KIR2DL1: variants seen among roughly 807,000 people sequenced by gnomAD.
KIR2DL1 encodes the protein killer cell immunoglobulin like receptor, two Ig domains and long cytoplasmic tail 1.
A neutral mutation model predicts 33.9 loss-of-function variants in KIR2DL1; 38 were observed. That is an observed-to-expected ratio of 1.12 (90% CI 0.86 to 1.47). The LOEUF is 1.47. KIR2DL1 is among the 40% of genes most tolerant of loss of function. The pLI, the probability that KIR2DL1 is intolerant of heterozygous loss-of-function variation, is 0.00. For synonymous variants in KIR2DL1, 179 were observed against 165.9 expected, an observed-to-expected ratio of 1.08 and a Z score of -0.61; for missense variants, 531 against 433.9, an observed-to-expected ratio of 1.22 and a Z score of -1.99.
At chr19:54,778,019 G>C (rs1412625399) in intron 4 of KIR2DL1, among the ~76,000 whole-genome samples, 1 of 148,498 alleles carries the variant, frequency 6.7e-6, no homozygotes, top group Non-Finnish European at 1.5e-5. Flanking sequence ...TCAGCACTTT[G>C]GGAGCCCGAG....
chr19:54,783,419 A>G, intron 6 of KIR2DL1, 67 bp from the exon 7 acceptor site: 1 of 1,560,348 alleles, frequency 6.4e-7, no homozygotes, highest in Non-Finnish European at 8.8e-7. Flanking sequence ...GTATGTTGGT[A>G]TCTGCTTATG....
chr19:54,772,971 G>A lies in KIR2DL1; in HGVS notation c.71-362G>A, dbSNP rs571944381. Among the ~76,000 whole-genome samples, 19 of 147,414 alleles carry A rather than the reference G, an allele frequency of 1.3e-4. 1 individual carries two copies. The South Asian group carries it at 1.7e-3, about 13-fold the overall frequency. On this transcript the variant is annotated intron_variant, in intron 2 of 7. Coordinates refer to ENST00000336077, the MANE Select transcript of KIR2DL1 (RefSeq NM_014218.3). ...TACCTCCTGCCAAGGATTCCAATTC[G>A]TCCAAAAGAGATTGAACCAGGCTGC...
At position 54,777,283 on chromosome 19, in the gene KIR2DL1, G is replaced by A. The variant is rs527606034; in HGVS notation, c.665-1329G>A. 9.1e-4 allele frequency among the ~76,000 whole-genome samples: 135 copies of A among 148,558 alleles called. 5 individuals carry two copies. Among genetic ancestry groups the A allele is most frequent in the Middle Eastern group, 3.4e-3 (1 of 290 alleles). On this transcript the variant is annotated intron_variant, in intron 4 of 7. Transcript: ENST00000336077. The stretch of plus-strand genomic sequence containing the variant: ...TTTTTGTATTTTTAGTAGAGACAGC[G>A]TTTCTCTATGTGGGTCAGACTGGTC...
At chr19:54,782,057 A>T (rs2077024050) in intron 5 of KIR2DL1, among the ~76,000 whole-genome samples, 1 of 151,912 alleles carries the variant, frequency 6.6e-6, no homozygotes, top group Non-Finnish European at 1.5e-5. Context: ...AGAAACCTAT[A>T]TTTCAATGTG....
chr19:54,776,921 C>T (rs2076416239), intron 4 of KIR2DL1, among the ~76,000 whole-genome samples: 1 of 148,382 alleles, frequency 6.7e-6, no homozygotes, highest in South Asian at 2.1e-4. Flanking sequence ...GGATTACAGG[C>T]ATGATCCACC....
rs1296729538 is a variant in KIR2DL1, at chr19:54,782,923, T to G, written c.717T>G (p.Gly239=). ...PSPTEPSSKT[G]NPRHLHILIG... ...TATTGGTGTCTCATCTTCTTCCAGG[T>G]AACCCCCGACACCTGCACATTCTGA... The change falls in exon 6 of 8, where the codon GGT becomes GGG. Residue 239 remains glycine (G), a splice_region_variant and synonymous_variant. Coordinates refer to ENST00000336077, the MANE Select transcript of KIR2DL1 (RefSeq NM_014218.3). 1.1e-5 allele frequency: 17 copies of G among 1,613,356 alleles called. No individual in the cohort carries two copies. The highest frequency in any genetic ancestry group is 1.4e-5 in the Non-Finnish European group (17 of 1,179,660).
chr19:54,781,783 T>G (rs1244378843), intron 5 of KIR2DL1, among the ~76,000 whole-genome samples: 1 of 152,156 alleles, frequency 6.6e-6, no homozygotes. Flanking sequence ...TCGCTTTTTT[T>G]ATCTTGATTT....
In KIR2DL1 at chr19:54,773,532, GA is replaced by G; in HGVS notation, c.271del (p.Thr91ArgfsTer31). 6.3e-7 allele frequency: 1 copy of G among 1,583,968 alleles called. No homozygotes were observed. The highest frequency in any genetic ancestry group is 8.7e-7 in the Non-Finnish European group (1 of 1,155,846). Reference sequence around the variant, plus strand: ...AGGCCAACTTCTCCATCAGTCGCATGACGCAAGACCTGGCAGGGACCTACAG... The same window carrying G: ...AGGCCAACTTCTCCATCAGTCGCATGCGCAAGACCTGGCAGGGACCTACAG... Reference protein sequence around the residue: ...SKANFSISRMTQDLAGTYRCY... With the variant: ...SKANFSISRMXQDLAGTYRCY... On this transcript the variant is annotated frameshift_variant, in exon 3 of 8. Coordinates refer to ENST00000336077, the MANE Select transcript of KIR2DL1 (RefSeq NM_014218.3). LOFTEE classifies it high-confidence loss of function.
chr19:54,776,761 C>T lies in KIR2DL1; in HGVS notation c.664+1303C>T, dbSNP rs1214922447. Among the ~76,000 whole-genome samples, 20 of 146,616 alleles carry T rather than the reference C, an allele frequency of 1.4e-4. No individual in the cohort carries two copies. In the East Asian group the frequency reaches 3.3e-3, roughly 25 times the overall value. ...GTTCAAATGATTTTCCTGCCTCAGC[C>T]TCCCTAGTAGCTGGGATTACAGGTG... On this transcript the variant is annotated intron_variant, in intron 4 of 7. Transcript: ENST00000336077.
intron 5 of KIR2DL1, among the ~76,000 whole-genome samples, chr19:54,781,257 T>C (rs1477737973): frequency 1.4e-5 from 2 of 143,808 alleles, no homozygotes; most frequent in East Asian, 2.0e-4. Context: ...TCATCGTTTT[T>C]CTATTTCTCT....
Position 54,783,783 on chromosome 19 carries a change from G to A in KIR2DL1, c.1017G>A (p.Glu339=), listed in dbSNP as rs763340388. The change falls in exon 8 of 8, where the codon GAG becomes GAA. Residue 339 remains glutamate (E), a synonymous_variant. Coordinates refer to ENST00000336077, the MANE Select transcript of KIR2DL1 (RefSeq NM_014218.3). ...TGTACACGGAACTTCCAAATGCTGA[G>A]TCCAGATCCAAAGTTGTCTCCTGCC... ...IIVYTELPNA[E]SRSKVVSCP The A allele has an allele frequency of 9.3e-6, 15 of 1,613,978 alleles. 1 individual carries two copies. In the Admixed American group the frequency reaches 2.5e-4, roughly 27 times the overall value.
In KIR2DL1 at chr19:54,775,598, G is replaced by A. The variant is rs2076236361; in HGVS notation, c.664+140G>A. The stretch of plus-strand genomic sequence containing the variant: ...GTGTGAGGGAGGGATCAGGGCACAG[G>A]ATGGCCGACAGGGCACCTCCAAACC... On this transcript the variant is annotated intron_variant, in intron 4 of 7. Transcript: ENST00000336077. 3.3e-6 allele frequency: 4 copies of A among 1,224,020 alleles called. 1 individual carries two copies. Among genetic ancestry groups the A allele is most frequent in the Non-Finnish European group, 4.6e-6 (4 of 871,258 alleles). The allele number at this position is 1,224,020 out of a possible 1,614,324, so 75.8% of individuals were successfully genotyped here. A position where few individuals can be genotyped will look rare whatever the true frequency, so the allele number is the denominator to read the frequency against.
At position 54,783,557 on chromosome 19, in the gene KIR2DL1, G is replaced by A. The variant is rs372509001; in HGVS notation, c.870+19G>A. On this transcript the variant is annotated intron_variant, in intron 7 of 7. Coordinates refer to ENST00000336077, the MANE Select transcript of KIR2DL1 (RefSeq NM_014218.3). ...TAGCGAGGTAGGTACTCCTCGGCCC[G>A]GGCTCGTGGCTACTGTTATTCCCAA... 1,589 of 1,613,342 alleles carry A rather than the reference G, an allele frequency of 9.8e-4. 13 individuals are homozygous for A. The African/African-American group carries it at 0.017, about 17-fold the overall frequency.
intron 2 of KIR2DL1, among the ~76,000 whole-genome samples, chr19:54,771,841 C>A (rs1311029473): frequency 6.8e-6 from 1 of 147,938 alleles, no homozygotes; most frequent in African/African-American, 2.5e-5. Flanking sequence ...CACAACCACA[C>A]TACCCCAGTG....
chr19:54,775,085 G>A, intron 3 of KIR2DL1, 80 bp from the exon 4 acceptor site: 1 of 1,457,340 alleles, frequency 6.9e-7, no homozygotes, highest in South Asian at 1.3e-5. Flanking sequence ...CATAGAACAG[G>A]GGAGTGAGTT....
At chr19:54,776,956 T>C (rs2076422264) in intron 4 of KIR2DL1, among the ~76,000 whole-genome samples, 1 of 149,680 alleles carries the variant, frequency 6.7e-6, no homozygotes, top group Non-Finnish European at 1.5e-5. Context: ...TTTAGTTCTT[T>C]AAAGGACTTC....
chr19:54,782,823 G>C (rs1389955595), intron 5 of KIR2DL1, 99 bp from the exon 6 acceptor site: 2 of 1,308,878 alleles, frequency 1.5e-6, no homozygotes, highest in African/African-American at 2.9e-5. Flanking sequence ...GTCCTAAAGA[G>C]GTGTTTTATG....
chr19:54,778,175 A>G lies in KIR2DL1; in HGVS notation c.665-437A>G, dbSNP rs548815886. Among the ~76,000 whole-genome samples, 17 of 148,648 alleles carry G rather than the reference A, an allele frequency of 1.1e-4. No homozygotes were observed. In the Admixed American group the frequency reaches 1.2e-3, roughly 10 times the overall value. ...CTCAGGAATTTGAGGCAAGAGAATG[A>G]TTGAACCCAGGAGGCTGAGGTTGCA... On this transcript the variant is annotated intron_variant, in intron 4 of 7. Coordinates refer to ENST00000336077, the MANE Select transcript of KIR2DL1 (RefSeq NM_014218.3).
chr19:54,779,868 G>A (rs1341965648), intron 5 of KIR2DL1, among the ~76,000 whole-genome samples: 1 of 136,576 alleles, frequency 7.3e-6, no homozygotes, highest in Non-Finnish European at 1.6e-5. Context: ...TGGTCCATTG[G>A]GAAGCATCTG....
Sources: gnomAD v4.1 joint callset for allele counts (sites outside exome capture counted in the v4.1 genomes callset) on GRCh38, gnomAD v4.1.1 for gene constraint, MANE v1.5 for transcripts, NCBI Gene and HGNC (gene_info 2026-07-23, HGNC 2026-07-21) for gene names.